The following HP1BP3 variants were observed in gnomAD, a reference collection of about 807,000 sequenced individuals.
HP1BP3 encodes the protein heterochromatin protein 1-binding protein 3.
In HP1BP3, 12 loss-of-function variants were observed where a neutral mutation model predicts 62.5. The ratio of observed to expected loss-of-function variants is 0.19; its 90% CI spans 0.12 to 0.31. The LOEUF (loss-of-function observed/expected upper bound fraction) is 0.31. Ranked by LOEUF, HP1BP3 falls within the 10% of genes least tolerant of loss-of-function variation. The pLI, the probability that HP1BP3 is intolerant of heterozygous loss-of-function variation, is 1.00. For missense variants in HP1BP3, 502 were observed against 651.8 expected (o/e 0.77, Z 2.50); for synonymous variants, 260 against 237.8 (o/e 1.09, Z -0.86).
At position 20,740,695 on chromosome 1, in the gene HP1BP3, T is replaced by C. The variant is rs1201395797; in HGVS notation, c.*4102A>G. Reference sequence around the variant, plus strand: ...AGCCAGGCATTTATTAGCTTGCCTGTAGTCCTGGCTACTTGGGAGGCTGAG... The same window carrying C: ...AGCCAGGCATTTATTAGCTTGCCTGCAGTCCTGGCTACTTGGGAGGCTGAG... On this transcript the variant is annotated 3_prime_UTR_variant, in exon 13 of 13. Coordinates refer to ENST00000438032, the MANE Select transcript of HP1BP3 (RefSeq NM_001372052.1). Among the ~76,000 whole-genome samples the C allele has an allele frequency of 6.6e-6, 1 of 152,138 alleles. No homozygotes were observed. Among genetic ancestry groups the C allele is most frequent in the African/African-American group, 2.4e-5 (1 of 41,436 alleles).
chr1:20,783,853 A>G (rs946513033), intron 1 of HP1BP3, among the ~76,000 whole-genome samples: 1 of 152,042 alleles, frequency 6.6e-6, no homozygotes, highest in Non-Finnish European at 1.5e-5. Context: ...AGAACTTCAA[A>G]GCTTCAATCT....
At chr1:20,785,857 A>G (rs964345849) in intron 1 of HP1BP3, among the ~76,000 whole-genome samples, 4 of 152,252 alleles carry the variant, frequency 2.6e-5, no homozygotes, top group African/African-American at 9.6e-5. Flanking sequence ...AAAGCTAACA[A>G]GTTTTTTGCC....
chr1:20,785,305 A>G (rs1260503537), intron 1 of HP1BP3, among the ~76,000 whole-genome samples: 12 of 152,274 alleles, frequency 7.9e-5, no homozygotes, highest in Admixed American at 7.9e-4. Flanking sequence ...CATTAAGAGA[A>G]GGCTGTAGAA....
At chr1:20,783,029 C>T (rs1030938524) in intron 1 of HP1BP3, among the ~76,000 whole-genome samples, 6 of 151,638 alleles carry the variant, frequency 4.0e-5, no homozygotes, top group Non-Finnish European at 8.8e-5. Flanking sequence ...GGAGGACTGC[C>T]AGTGTCCAGG....
At chr1:20,750,014 C>CT in intron 9 of HP1BP3, 132 bp from the exon 10 acceptor site, 1 of 1,442,044 alleles carries the variant, frequency 6.9e-7, no homozygotes, top group Non-Finnish European at 9.1e-7. Flanking sequence ...AAATTGTCAG[C>CT]TTAGGGACTT....
At chr1:20,770,782 G>C (rs1170767923) in intron 6 of HP1BP3, 148 bp downstream of exon 6, 1 of 602,036 alleles carries the variant, frequency 1.7e-6, no homozygotes. Context: ...CCTAGCCTCA[G>C]ATAATTCAAC....
At chr1:20,756,001 G>A (rs1224104498) in intron 9 of HP1BP3, among the ~76,000 whole-genome samples, 1 of 152,162 alleles carries the variant, frequency 6.6e-6, no homozygotes, top group Non-Finnish European at 1.5e-5. Context: ...GGTGGAATAG[G>A]GAGTGACTGC....
chr1:20,776,054 C>T (rs1364982824), intron 4 of HP1BP3: 4 of 1,437,900 alleles, frequency 2.8e-6, no homozygotes, highest in Non-Finnish European at 3.7e-6. Context: ...TAACTGCCAT[C>T]ACTTTATATA....
At chr1:20,759,039 G>A (rs944148834) in intron 8 of HP1BP3, among the ~76,000 whole-genome samples, 14 of 152,080 alleles carry the variant, frequency 9.2e-5, no homozygotes, top group Admixed American at 2.6e-4. Context: ...TCATTCTGGA[G>A]ACAATTAAGG....
At position 20,749,620 on chromosome 1, in the gene HP1BP3, A is replaced by C. The variant is rs567327981; in HGVS notation, c.1141+103T>G. 21 of 1,143,410 alleles carry C rather than the reference A, an allele frequency of 1.8e-5. No individual in the cohort carries two copies. In the African/African-American group the frequency reaches 2.5e-4, roughly 14 times the overall value. 70.8% of individuals were successfully genotyped at this position (1,143,410 alleles called of 1,614,324 possible). The stretch of plus-strand genomic sequence containing the variant: ...GTGATCCACCCGCCTCAGCCTCCCA[A>C]AGTGCTGGGATTACAGGCGTGAGCC... On this transcript the variant is annotated intron_variant, in intron 10 of 12. Coordinates refer to ENST00000438032, the MANE Select transcript of HP1BP3 (RefSeq NM_001372052.1).
intron 6 of HP1BP3, 144 bp from the exon 7 acceptor site, chr1:20,767,808 A>T: frequency 1.7e-6 from 1 of 604,416 alleles, no homozygotes; most frequent in Non-Finnish European, 2.9e-6. Context: ...ATGCAGAGTC[A>T]AAAGACTTCA....
At chr1:20,768,421 G>C (rs2056892463) in intron 6 of HP1BP3, among the ~76,000 whole-genome samples, 2 of 152,124 alleles carry the variant, frequency 1.3e-5, no homozygotes, top group Admixed American at 1.3e-4. Flanking sequence ...ACTCCAACCT[G>C]GGTGACAGAG....
At chr1:20,753,627 C>G (rs1054284563) in intron 9 of HP1BP3, among the ~76,000 whole-genome samples, 4 of 152,184 alleles carry the variant, frequency 2.6e-5, no homozygotes, top group Non-Finnish European at 5.9e-5. Flanking sequence ...AATACCTATT[C>G]AAAGTTCAAT....
At chr1:20,746,186 ATGTGTGTGTGTGTGTG>A (rs35710978) in intron 11 of HP1BP3, among the ~76,000 whole-genome samples, 23 of 143,250 alleles carry the variant, frequency 1.6e-4, no homozygotes, top group East Asian at 6.2e-4. Context: ...ACATACATAT[ATGTGTGTGTGTGTGTG>A]TGTGTGTGTG....
At chr1:20,756,803 C>T (rs559417335) in intron 9 of HP1BP3, among the ~76,000 whole-genome samples, 1 of 152,294 alleles carries the variant, frequency 6.6e-6, no homozygotes, top group Non-Finnish European at 1.5e-5. Context: ...GCAACCTCCA[C>T]CTCCCGCGTT....
chr1:20,777,304 A>T (rs1293563456), intron 3 of HP1BP3, among the ~76,000 whole-genome samples: 1 of 152,026 alleles, frequency 6.6e-6, no homozygotes, highest in Non-Finnish European at 1.5e-5. Flanking sequence ...AAAAAAATAA[A>T]AAAAACATGA....
At position 20,745,534 on chromosome 1, in the gene HP1BP3, T is replaced by G. The variant is rs769257309; in HGVS notation, c.1367+9A>C. 2 of 1,613,732 alleles carry G rather than the reference T, an allele frequency of 1.2e-6. No individual in the cohort carries two copies. Among genetic ancestry groups the G allele is most frequent in the Non-Finnish European group, 1.7e-6 (2 of 1,179,806 alleles). ...GTCCTCCCCACAAGGGGTTTTCACA[T>G]GTCCACACCTTCTCTTAGGTGGCGG... is the stretch of plus-strand genomic sequence containing the variant. On this transcript the variant is annotated intron_variant, in intron 12 of 12. Transcript: ENST00000438032.
chr1:20,746,852 C>CA (rs1174072814), intron 11 of HP1BP3, among the ~76,000 whole-genome samples: 2 of 152,044 alleles, frequency 1.3e-5, no homozygotes, highest in Admixed American at 6.6e-5. Flanking sequence ...CCCATCTCTA[C>CA]AAAAAACACA....
At chr1:20,762,239 G>A (rs892103437) in intron 8 of HP1BP3, among the ~76,000 whole-genome samples, 12 of 152,108 alleles carry the variant, frequency 7.9e-5, no homozygotes, top group Admixed American at 2.0e-4. Flanking sequence ...CATTAAAAAG[G>A]CCATGAGAAA....
Sources: allele counts gnomAD v4.1 joint callset (sites outside exome capture counted in the v4.1 genomes callset), GRCh38; gene constraint gnomAD v4.1.1; transcripts MANE v1.5; gene names NCBI Gene and HGNC (gene_info 2026-07-23, HGNC 2026-07-21).